SLC19A1: variants seen among roughly 807,000 people sequenced by gnomAD.
The protein encoded by SLC19A1 is solute carrier family 19 member 1.
SLC19A1 carries 37 observed loss-of-function variants against 35.3 expected under a neutral mutation model. The ratio of observed to expected loss-of-function variants is 1.05; its 90% CI spans 0.81 to 1.38. SLC19A1 has a LOEUF of 1.38. SLC19A1 is among the 40% of genes most tolerant of loss of function. SLC19A1 has a pLI of 0.00. For missense variants in SLC19A1, 831 were observed against 826.9 expected, an observed-to-expected ratio of 1.00 and a Z score of -0.06; for synonymous variants, 460 against 398.5, an observed-to-expected ratio of 1.15 and a Z score of -1.84.
chr21:45,506,341 C>T (rs544775537), intron 3 of SLC19A1: 166 of 357,700 alleles, frequency 4.6e-4, no homozygotes, highest in Admixed American at 7.6e-4. Context: ...GTCCACAGCA[C>T]GGCCCCGGCT....
At chr21:45,504,007 G>A (rs764315351) in intron 3 of SLC19A1, 1 of 1,613,646 alleles carries the variant, frequency 6.2e-7, no homozygotes, top group Non-Finnish European at 8.5e-7. Context: ...TCTCTCTCTT[G>A]CAGGGCAGTT....
At chr21:45,523,483 T>G (rs1385871976) in intron 5 of SLC19A1, among the ~76,000 whole-genome samples, 1 of 152,140 alleles carries the variant, frequency 6.6e-6, no homozygotes, top group Non-Finnish European at 1.5e-5. Context: ...AAGGGCTTCC[T>G]CGTGACCAGC....
At chr21:45,503,780 G>A (rs1441394283) in intron 3 of SLC19A1, among the ~76,000 whole-genome samples, 1 of 151,612 alleles carries the variant, frequency 6.6e-6, no homozygotes, top group Non-Finnish European at 1.5e-5. Flanking sequence ...AAAACTTAAA[G>A]TATAATAATA....
chr21:45,553,169 G>C (rs1298893185), intron 1 of SLC19A1, among the ~76,000 whole-genome samples: 4 of 152,172 alleles, frequency 2.6e-5, no homozygotes, highest in Non-Finnish European at 5.9e-5. Context: ...GTGCAGTTTT[G>C]TAAGCAGAGG....
At chr21:45,510,272 C>A, downstream of SLC19A1, 1 of 1,597,532 alleles carries the variant, frequency 6.3e-7, no homozygotes, top group Admixed American at 1.7e-5. Context: ...GTGGGTCAGT[C>A]CAGTCCTGAG....
At chr21:45,535,723 T>C (rs1050880314) in intron 2 of SLC19A1, among the ~76,000 whole-genome samples, 3 of 152,134 alleles carry the variant, frequency 2.0e-5, no homozygotes, top group Non-Finnish European at 2.9e-5. Context: ...TCACCTGCAG[T>C]GGGAGAAGCC....
In SLC19A1 at chr21:45,530,916, G is replaced by GA; in HGVS notation, c.1004_1005insT (p.Lys336GlnfsTer58). On this transcript the variant is annotated frameshift_variant, in exon 4 of 6. Coordinates refer to ENST00000311124, the MANE Select transcript of SLC19A1 (RefSeq NM_194255.4). LOFTEE classifies it high-confidence loss of function. This position sits in a 1 kb window ranked among gnomAD's most constrained non-coding sequence, Gnocchi z 5.3. ...CCGTGACGCCCGCGATGAGCAGCTT[G>GA]GACCAGCGCGCCCAGCGGATCTTCA... 6.8e-7 allele frequency: 1 copy of GA among 1,467,932 alleles called. No individual in the cohort carries two copies. The highest frequency in any genetic ancestry group is 1.4e-5 in the South Asian group (1 of 71,502). The allele number at this position is 1,467,932 out of a possible 1,614,324, so 90.9% of individuals were successfully genotyped here.
chr21:45,511,809 G>T (rs1021452629), downstream of SLC19A1, among the ~76,000 whole-genome samples: 1 of 152,320 alleles, frequency 6.6e-6, no homozygotes, highest in South Asian at 2.1e-4. Context: ...GGAGTGCTGT[G>T]GGCAGGGCTG....
At chr21:45,505,027 A>G in intron 3 of SLC19A1, 3 of 1,425,302 alleles carry the variant, frequency 2.1e-6, no homozygotes, top group South Asian at 2.4e-5. Context: ...GGTGACTCAG[A>G]GGCTGCGCTC....
At chr21:45,537,719 T>TGGGGGGGGGGCCCCCCCCC in intron 2 of SLC19A1, 52 bp downstream of exon 2, 2 of 319,776 alleles carry the variant, frequency 6.3e-6, no homozygotes, top group Non-Finnish European at 1.1e-5. Context: ...CAGACGCTGC[T>TGGGGGGGGGGCCCCCCCCC]CCCCGCCCAC....
downstream of SLC19A1, chr21:45,509,267 C>T: frequency 2.0e-6 from 3 of 1,512,534 alleles, no homozygotes; most frequent in Non-Finnish European, 1.8e-6. Flanking sequence ...GAGCCCAGCC[C>T]CTCTCACCCA....
downstream of SLC19A1, chr21:45,507,699 C>T (rs943650833): frequency 8.3e-6 from 9 of 1,080,740 alleles, no homozygotes; most frequent in Middle Eastern, 4.0e-4. Context: ...AGTCCTGGAG[C>T]TGAACATGTG....
chr21:45,553,107 G>C (rs879090495), intron 1 of SLC19A1, among the ~76,000 whole-genome samples: 1 of 152,112 alleles, frequency 6.6e-6, no homozygotes, highest in Admixed American at 6.5e-5. Context: ...GGACCGGAGC[G>C]GGGGCCTCGC....
At chr21:45,555,756 G>A (rs1167649523) in intron 1 of SLC19A1, among the ~76,000 whole-genome samples, 4 of 152,076 alleles carry the variant, frequency 2.6e-5, no homozygotes, top group Non-Finnish European at 2.9e-5. Flanking sequence ...GGCAGAAAGC[G>A]ACCCACGCAG....
chr21:45,504,503 GGCCCCCCC>G, intron 3 of SLC19A1: 4 of 1,388,932 alleles, frequency 2.9e-6, no homozygotes, highest in Non-Finnish European at 3.8e-6. Flanking sequence ...CAGCCTGCCC[GGCCCCCCC>G]GGCCCCCCAG....
upstream of SLC19A1, among the ~76,000 whole-genome samples, chr21:45,543,372 G>T (rs1462757077): frequency 6.6e-6 from 1 of 152,226 alleles, no homozygotes; most frequent in Admixed American, 6.5e-5. Flanking sequence ...CTAAGGAGGA[G>T]CCAGGAAGTC....
At chr21:45,529,581 G>A (rs141928743) in intron 4 of SLC19A1, among the ~76,000 whole-genome samples, 2 of 150,232 alleles carry the variant, frequency 1.3e-5, no homozygotes, top group Non-Finnish European at 1.5e-5. Flanking sequence ...GTGTCAATGT[G>A]TGGGTGTCTC....
intron 2 of SLC19A1, among the ~76,000 whole-genome samples, chr21:45,535,150 T>C (rs751984860): frequency 5.9e-5 from 9 of 152,128 alleles, no homozygotes; most frequent in Non-Finnish European, 1.2e-4. Context: ...GAGGGACTGC[T>C]GTGCACAGGG....
chr21:45,562,945 C>T (rs2078628433), exon 1 of SLC19A1, among the ~76,000 whole-genome samples: 1 of 152,184 alleles, frequency 6.6e-6, no homozygotes, highest in Non-Finnish European at 1.5e-5. Flanking sequence ...CCGGTATCTA[C>T]GTGTGTACGG....
Sources: allele counts gnomAD v4.1 joint callset (sites outside exome capture counted in the v4.1 genomes callset), GRCh38; gene constraint gnomAD v4.1.1; non-coding constraint Gnocchi (gnomAD v3.1); transcripts MANE v1.5; gene names NCBI Gene and HGNC (gene_info 2026-07-23, HGNC 2026-07-21).